Variants in BANK1 observed in about 807,000 individuals in gnomAD.
BANK1 encodes B-cell scaffold protein with ankyrin repeats.
A neutral mutation model predicts 94.5 loss-of-function variants in BANK1; 95 were observed. That is an observed-to-expected ratio of 1.00 (90% CI 0.85 to 1.19). BANK1 has a LOEUF of 1.19. BANK1 is among the 50% of genes most tolerant of loss of function. The pLI is 0.00. For missense variants in BANK1, 987 were observed against 932.2 expected, an observed-to-expected ratio of 1.06 and a Z score of -0.77; for synonymous variants, 334 against 308.4, an observed-to-expected ratio of 1.08 and a Z score of -0.87.
At chr4:102,016,456 G>C (rs980341478) in intron 7 of BANK1, among the ~76,000 whole-genome samples, 2 of 152,074 alleles carry the variant, frequency 1.3e-5, no homozygotes, top group Non-Finnish European at 2.9e-5. Flanking sequence ...AATCAAATCT[G>C]AAGCAAAATT....
chr4:101,810,910 T>G (rs537648973), intron 1 of BANK1, among the ~76,000 whole-genome samples: 1 of 152,296 alleles, frequency 6.6e-6, no homozygotes, highest in South Asian at 2.1e-4. Flanking sequence ...ATGATCATTA[T>G]CATCATTATT....
chr4:101,844,601 T>TCAGA (rs2148869363), intron 2 of BANK1, among the ~76,000 whole-genome samples: 1 of 152,310 alleles, frequency 6.6e-6, no homozygotes, highest in Admixed American at 6.5e-5. Flanking sequence ...GGGTTTGGAG[T>TCAGA]CAGACAGACC....
chr4:101,815,173 C>T (rs947513185), intron 1 of BANK1, among the ~76,000 whole-genome samples: 1 of 152,134 alleles, frequency 6.6e-6, no homozygotes, highest in Non-Finnish European at 1.5e-5. Flanking sequence ...TATACCCACC[C>T]AGCCACAGGA....
chr4:101,923,932 T>C (rs1178389934), intron 7 of BANK1, among the ~76,000 whole-genome samples: 1 of 151,824 alleles, frequency 6.6e-6, no homozygotes, highest in African/African-American at 2.4e-5. Context: ...GAAATGTTTG[T>C]AGAGCCCCAA....
intron 1 of BANK1, among the ~76,000 whole-genome samples, chr4:101,810,750 AGT>A (rs1380981957): frequency 2.6e-5 from 4 of 152,196 alleles, no homozygotes; most frequent in African/African-American, 9.6e-5. Flanking sequence ...TTATTTTATC[AGT>A]GGTTCATTTT....
chr4:102,063,397 C>T (rs1728488963), intron 13 of BANK1, among the ~76,000 whole-genome samples: 1 of 151,396 alleles, frequency 6.6e-6, no homozygotes, highest in African/African-American at 2.4e-5. Context: ...AATGAAAGTT[C>T]ATAATGAACC....
At chr4:102,045,224 T>C (rs962935899) in intron 11 of BANK1, among the ~76,000 whole-genome samples, 1 of 152,120 alleles carries the variant, frequency 6.6e-6, no homozygotes, top group Non-Finnish European at 1.5e-5. Context: ...AAAAAGCCTT[T>C]GACAAAATTC....
chr4:101,865,158 G>T (rs781227457), intron 4 of BANK1, among the ~76,000 whole-genome samples: 2 of 152,028 alleles, frequency 1.3e-5, no homozygotes, highest in Non-Finnish European at 1.5e-5. Flanking sequence ...ATACTTTGGG[G>T]TATTGTCTTC....
chr4:101,803,954 C>T (rs1230275235), intron 1 of BANK1, among the ~76,000 whole-genome samples: 2 of 136,004 alleles, frequency 1.5e-5, no homozygotes, highest in Non-Finnish European at 3.1e-5. Context: ...GCCGAGATCC[C>T]GCCACTGCAC....
At chr4:101,950,056 TGTGTGCGC>T (rs1313789531) in intron 7 of BANK1, among the ~76,000 whole-genome samples, 2 of 69,090 alleles carry the variant, frequency 2.9e-5, no homozygotes, top group Admixed American at 1.3e-4. Context: ...TGTGTGTGTG[TGTGTGCGC>T]GTGCGCGCGC....
intron 7 of BANK1, among the ~76,000 whole-genome samples, chr4:101,940,874 C>T (rs1275999474): frequency 6.6e-6 from 1 of 151,688 alleles, no homozygotes; most frequent in African/African-American, 2.4e-5. Context: ...GATATTCCCC[C>T]TCCTCTAACC....
chr4:101,809,375 A>G (rs552644806), intron 1 of BANK1, among the ~76,000 whole-genome samples: 1 of 152,276 alleles, frequency 6.6e-6, no homozygotes, highest in African/African-American at 2.4e-5. Flanking sequence ...GAGGGATAAA[A>G]GACTACATAT....
In BANK1 at chr4:102,025,187, T is replaced by C; in HGVS notation, c.1286-14T>C. ...TGTGTTTAAATGAAATCATGCAATCTTCATCATAAACAGCCACACAGAACC... is the reference window on the plus strand; with the variant it reads ...TGTGTTTAAATGAAATCATGCAATCCTCATCATAAACAGCCACACAGAACC... On this transcript the variant is annotated splice_polypyrimidine_tract_variant and intron_variant, in intron 8 of 16. Coordinates refer to ENST00000322953, the MANE Select transcript of BANK1 (RefSeq NM_017935.5). 6.2e-7 allele frequency: 1 copy of C among 1,610,714 alleles called. No individual in the cohort carries two copies. The highest frequency in any genetic ancestry group is 8.5e-7 in the Non-Finnish European group (1 of 1,177,440).
intron 5 of BANK1, among the ~76,000 whole-genome samples, chr4:101,871,760 A>T (rs575202566): frequency 6.6e-6 from 1 of 152,288 alleles, no homozygotes; most frequent in Admixed American, 6.5e-5. Context: ...TATTCATAAC[A>T]AAAAAGATTA....
At chr4:101,900,647 T>A (rs1167070895) in intron 6 of BANK1, among the ~76,000 whole-genome samples, 2 of 152,308 alleles carry the variant, frequency 1.3e-5, no homozygotes, top group African/African-American at 4.8e-5. Flanking sequence ...GGTCTGTGTG[T>A]AACTAAAGAC....
rs760612659 is a variant in BANK1 at position 102,025,525 on chromosome 4, GA to G, written c.1594+23del. 5.5e-5 allele frequency: 89 copies of G among 1,606,660 alleles called. No individual in the cohort carries two copies. The East Asian group carries it at 1.7e-3, about 31-fold the overall frequency. ...ACCTTACCAGGTAAGTTTAAGGTTA[GA>G]AAAAAACAAAACAAAACAAAGACAA... On this transcript the variant is annotated intron_variant, in intron 9 of 16. Coordinates refer to ENST00000322953, the MANE Select transcript of BANK1 (RefSeq NM_017935.5).
chr4:102,025,632 T>C, intron 9 of BANK1, 123 bp downstream of exon 9: 1 of 857,268 alleles, frequency 1.2e-6, no homozygotes, highest in East Asian at 2.7e-5. Flanking sequence ...AATAGCAACA[T>C]TCTTCCTATT....
rs1333399245 is a variant in BANK1 at position 102,064,400 on chromosome 4, A to ATAAT, written c.2212+1264_2212+1267dup. Among the ~76,000 whole-genome samples the ATAAT allele has an allele frequency of 2.0e-5, 3 of 152,334 alleles. No individual in the cohort carries two copies. The South Asian group carries it at 6.2e-4, about 32-fold the overall frequency. ...ATTTATAAAATTACAAGTTATATAA[A>ATAAT]TAATTTTACCAAGGAGCATTAAAAA... On this transcript the variant is annotated intron_variant, in intron 13 of 16. Transcript: ENST00000322953.
At chr4:102,021,939 A>G (rs1726922317) in intron 8 of BANK1, among the ~76,000 whole-genome samples, 1 of 152,112 alleles carries the variant, frequency 6.6e-6, no homozygotes, top group South Asian at 2.1e-4. Context: ...TTTCTCAGCT[A>G]TGAAATGAGA....
Sources: gnomAD v4.1 joint callset for allele counts (sites outside exome capture counted in the v4.1 genomes callset) on GRCh38, gnomAD v4.1.1 for gene constraint, MANE v1.5 for transcripts, NCBI Gene and HGNC (gene_info 2026-07-23, HGNC 2026-07-21) for gene names.